GK5: variants seen among roughly 807,000 people sequenced by gnomAD.
The protein encoded by GK5 is glycerol kinase 5, also known as ATP:glycerol 3-phosphotransferase 5.
In GK5, 39 loss-of-function variants were observed where a neutral mutation model predicts 77.3. The observed-to-expected ratio is 0.50, with a 90% CI of 0.39 to 0.66. GK5 has a LOEUF of 0.66. Ranked by LOEUF, GK5 falls within the 30% of genes least tolerant of loss-of-function variation. The pLI, the probability that GK5 is intolerant of heterozygous loss-of-function variation, is 0.00. For missense variants in GK5, 487 were observed against 633.8 expected (o/e 0.77, Z 2.49); for synonymous variants, 211 against 208.0 (o/e 1.01, Z -0.13).
chr3:142,177,552 G>A lies in GK5; in HGVS notation c.1073C>T (p.Thr358Ile), dbSNP rs2063633694. The change falls in exon 12 of 16, where the codon ACT becomes ATT. Residue 358 changes from threonine (T) to isoleucine (I), a missense_variant. Physicochemically the swap from Thr to Ile is moderately conservative, Grantham distance 89. Transcript: ENST00000392993. ...QLDLFTDAAE[T>I]EKMAKSLEDS... ...CTCCAAACTTTTGGCCATTTTTTCAGTCTCAGCAGCATCTGTGAAAAGGTC... is the reference window on the plus strand; with the variant it reads ...CTCCAAACTTTTGGCCATTTTTTCAATCTCAGCAGCATCTGTGAAAAGGTC... The A allele has an allele frequency of 1.2e-6, 2 of 1,612,104 alleles. No individual in the cohort carries two copies. The highest frequency in any genetic ancestry group is 1.3e-5 in the African/African-American group (1 of 74,848).
intron 12 of GK5, among the ~76,000 whole-genome samples, chr3:142,174,725 TC>T (rs138801726): frequency 0.016 from 2,405 of 152,250 alleles, 57 homozygotes; most frequent in African/African-American, 0.055. Flanking sequence ...CATGCTCTAG[TC>T]CTAATGCCAT....
At chr3:142,204,957 T>G (rs1255420992) in intron 3 of GK5, among the ~76,000 whole-genome samples, 169 bp from the exon 4 acceptor site, 1 of 152,220 alleles carries the variant, frequency 6.6e-6, no homozygotes, top group African/African-American at 2.4e-5. Flanking sequence ...TTGAACACAC[T>G]GCACAACAAT....
intron 9 of GK5, chr3:142,185,724 A>G: frequency 6.6e-7 from 1 of 1,525,118 alleles, no homozygotes; most frequent in Non-Finnish European, 8.8e-7. Context: ...CTTCCATGAT[A>G]GAATACTGGC....
chr3:142,205,084 T>C (rs2064085066), intron 3 of GK5, among the ~76,000 whole-genome samples: 1 of 152,194 alleles, frequency 6.6e-6, no homozygotes, highest in Non-Finnish European at 1.5e-5. Context: ...GCCAATGCTT[T>C]TCCCCTTTAC....
At chr3:142,177,847 C>T (rs950078768) in intron 11 of GK5, among the ~76,000 whole-genome samples, 8 of 147,936 alleles carry the variant, frequency 5.4e-5, no homozygotes, top group African/African-American at 2.0e-4. Context: ...GCAGGACTTA[C>T]GTTTTTTTTC....
At chr3:142,223,794 T>C (rs887261454) in intron 1 of GK5, among the ~76,000 whole-genome samples, 4 of 151,994 alleles carry the variant, frequency 2.6e-5, no homozygotes, top group East Asian at 1.9e-4. Flanking sequence ...GCCGAGATCA[T>C]GCCATTGCAC....
intron 2 of GK5, among the ~76,000 whole-genome samples, chr3:142,213,909 G>A (rs2064234097): frequency 6.6e-6 from 1 of 152,128 alleles, no homozygotes; most frequent in Non-Finnish European, 1.5e-5. Flanking sequence ...TGCAATCTCT[G>A]CCTCCCGGGT....
Position 142,157,755 on chromosome 3 carries a change from G to GA in GK5, c.*7866dup, listed in dbSNP as rs2063393623. The GA allele has an allele frequency of 6.6e-6, 1 of 151,914 alleles. No homozygotes were observed. The highest frequency in any genetic ancestry group is 1.5e-5 in the Non-Finnish European group (1 of 68,002). 9.4% of individuals were successfully genotyped at this position (151,914 alleles called of 1,614,324 possible). A position where few individuals can be genotyped will look rare whatever the true frequency, so the allele number is the denominator to read the frequency against. On this transcript the variant is annotated 3_prime_UTR_variant, in exon 16 of 16. Coordinates refer to ENST00000392993, the MANE Select transcript of GK5 (RefSeq NM_001039547.3). ...CAAATTTTATTTTCCCCACAACAAAGAATTATCCCACTTCTCTAGTAATTT... is the reference window on the plus strand; with the variant it reads ...CAAATTTTATTTTCCCCACAACAAAGAAATTATCCCACTTCTCTAGTAATTT...
intron 3 of GK5, among the ~76,000 whole-genome samples, chr3:142,207,703 C>T (rs575831433): frequency 2.0e-5 from 3 of 152,234 alleles, no homozygotes; most frequent in South Asian, 4.2e-4. Flanking sequence ...TTGTTGGCAC[C>T]GCAGGACCAG....
chr3:142,219,720 T>C (rs1015416591), intron 1 of GK5, among the ~76,000 whole-genome samples: 2 of 152,218 alleles, frequency 1.3e-5, no homozygotes, highest in African/African-American at 4.8e-5. Context: ...CAGTGGCCTG[T>C]AATCCAGTAC....
chr3:142,174,886 A>T (rs2063587398), intron 12 of GK5, among the ~76,000 whole-genome samples: 1 of 152,238 alleles, frequency 6.6e-6, no homozygotes, highest in Non-Finnish European at 1.5e-5. Flanking sequence ...TGAAGCTAAA[A>T]GGATGCATAA....
Position 142,171,456 on chromosome 3 carries a change from T to A in GK5, c.1270A>T (p.Met424Leu). The A allele has an allele frequency of 2.0e-6, 3 of 1,467,342 alleles. No individual in the cohort carries two copies. The highest frequency in any genetic ancestry group is 2.8e-6 in the Non-Finnish European group (3 of 1,086,658). The allele number at this position is 1,467,342 out of a possible 1,614,324, so 90.9% of individuals were successfully genotyped here. A position where few individuals can be genotyped will look rare whatever the true frequency, so the allele number is the denominator to read the frequency against. Residue 424 changes from methionine to leucine, a missense_variant, in exon 14 of 16, where the codon ATG (methionine) becomes TTG (leucine). Coordinates refer to ENST00000392993, the MANE Select transcript of GK5 (RefSeq NM_001039547.3). The part of the protein sequence containing the change: ...AFRNKQLYEM[M>L]KKEIHIPVRK... ...ACAGGAATATGAATCTCTTTCTTCA[T>A]CATCTCATATAACTGTTTGTTTCTA...
chr3:142,210,446 T>G lies in GK5; in HGVS notation c.317+3080A>C, dbSNP rs542310367. Among the ~76,000 whole-genome samples the G allele has an allele frequency of 3.3e-5, 5 of 152,272 alleles. No homozygotes were observed. The East Asian group carries it at 9.6e-4, about 29-fold the overall frequency. ...GCTGTTTGCTAGGGCTCTTGTGGAA[T>G]CTGTCAGCATCATACACCACATTGG... On this transcript the variant is annotated intron_variant, in intron 3 of 15. Coordinates refer to ENST00000392993, the MANE Select transcript of GK5 (RefSeq NM_001039547.3).
chr3:142,212,824 A>ATTTTCTTTTTTT (rs144621759), intron 3 of GK5, among the ~76,000 whole-genome samples: 81,844 of 128,660 alleles, frequency 0.64, 25,324 homozygotes, highest in African/African-American at 0.72. Flanking sequence ...ATAGACAAAT[A>ATTTTCTTTTTTT]TTTTCTTTTT....
At chr3:142,168,008 T>C (rs1252399041) in intron 15 of GK5, among the ~76,000 whole-genome samples, 1 of 149,012 alleles carries the variant, frequency 6.7e-6, no homozygotes, top group Admixed American at 6.6e-5. Context: ...GGAGACTCCA[T>C]CTCAAACAAA....
At chr3:142,197,785 G>A (rs1345642641) in intron 5 of GK5, among the ~76,000 whole-genome samples, 2 of 152,146 alleles carry the variant, frequency 1.3e-5, no homozygotes, top group African/African-American at 4.8e-5. Flanking sequence ...AGCACTTTGG[G>A]AGGCTGAGGC....
rs528318419 is a variant in GK5 at position 142,165,370 on chromosome 3, A to G, written c.*252T>C. 4 of 332,908 alleles carry G rather than the reference A, an allele frequency of 1.2e-5. No individual in the cohort carries two copies. The highest frequency in any genetic ancestry group is 2.1e-5 in the Non-Finnish European group (4 of 186,710). The allele number at this position is 332,908 out of a possible 1,614,324, so 20.6% of individuals were successfully genotyped here. A position where few individuals can be genotyped will look rare whatever the true frequency, so the allele number is the denominator to read the frequency against. On this transcript the variant is annotated 3_prime_UTR_variant, in exon 16 of 16. Coordinates refer to ENST00000392993, the MANE Select transcript of GK5 (RefSeq NM_001039547.3). ...TGTCAAAATGTGGTTGGAAATGACT[A>G]ATGTCCTTTGGAATTTGCTACAAAA...
rs908471298 is a variant in GK5, at chr3:142,159,619, G to C, written c.*6003C>G. On this transcript the variant is annotated 3_prime_UTR_variant, in exon 16 of 16. Coordinates refer to ENST00000392993, the MANE Select transcript of GK5 (RefSeq NM_001039547.3). ...GTGCCAAAATATTTATGGCTATGAG[G>C]CTTCAAAACTTAAAAAAAAAAAAAA... 3 of 144,284 alleles carry C rather than the reference G, an allele frequency of 2.1e-5. No individual in the cohort carries two copies. Among genetic ancestry groups the C allele is most frequent in the African/African-American group, 5.4e-5 (2 of 37,100 alleles). The allele number at this position is 144,284 out of a possible 1,614,324, so 8.9% of individuals were successfully genotyped here.
chr3:142,214,927 A>G (rs2064250753), intron 2 of GK5, among the ~76,000 whole-genome samples: 1 of 152,226 alleles, frequency 6.6e-6, no homozygotes, highest in Non-Finnish European at 1.5e-5. Flanking sequence ...TCTATGAGAA[A>G]GATATACAAG....
Sources: gnomAD v4.1 joint callset for allele counts (sites outside exome capture counted in the v4.1 genomes callset) on GRCh38, gnomAD v4.1.1 for gene constraint, MANE v1.5 for transcripts, NCBI Gene and HGNC (gene_info 2026-07-23, HGNC 2026-07-21) for gene names.